EPM2A: variants seen among roughly 807,000 people sequenced by gnomAD.
EPM2A encodes the protein laforin.
Under a neutral mutation model 26.5 loss-of-function variants are expected in EPM2A, and 21 were observed. That is an observed-to-expected ratio of 0.79 (90% CI 0.56 to 1.14). EPM2A has a LOEUF of 1.14. Among genes scored for constraint, EPM2A ranks in the 50% most tolerant of loss-of-function variants. EPM2A has a pLI of 0.00. For missense variants in EPM2A, 458 were observed against 440.8 expected, an observed-to-expected ratio of 1.04 and a Z score of -0.35; for synonymous variants, 217 against 177.6, an observed-to-expected ratio of 1.22 and a Z score of -1.76.
chr6:145,671,684 A>C (rs1305887546), intron 2 of EPM2A, among the ~76,000 whole-genome samples: 1 of 152,204 alleles, frequency 6.6e-6, no homozygotes, highest in Non-Finnish European at 1.5e-5. Flanking sequence ...CTGTCTCCAA[A>C]GTAATTAACT....
At position 145,625,996 on chromosome 6, in the gene EPM2A, G is replaced by GAGTTAAC; in HGVS notation, c.*1413_*1419dup. The GAGTTAAC allele has an allele frequency of 8.8e-7, 1 of 1,136,312 alleles. No individual in the cohort carries two copies. Among genetic ancestry groups the GAGTTAAC allele is most frequent in the Non-Finnish European group, 1.2e-6 (1 of 861,816 alleles). 70.4% of individuals were successfully genotyped at this position (1,136,312 alleles called of 1,614,324 possible). On this transcript the variant is annotated 3_prime_UTR_variant, in exon 4 of 4. Coordinates refer to ENST00000367519, the MANE Select transcript of EPM2A (RefSeq NM_005670.4). The stretch of plus-strand genomic sequence containing the variant: ...ATTCATCATGTGACAATAGACAGTT[G>GAGTTAAC]AGTTAACCCTTCTGACCTTAGTTTC...
At chr6:145,496,372 T>A (rs899025669) in intron 4 of EPM2A, among the ~76,000 whole-genome samples, 1 of 152,204 alleles carries the variant, frequency 6.6e-6, no homozygotes, top group African/African-American at 2.4e-5. Flanking sequence ...AATCTTGGCC[T>A]GTCTAGCTAG....
intron 4 of EPM2A, among the ~76,000 whole-genome samples, chr6:145,445,969 A>G (rs1425565904): frequency 2.0e-5 from 3 of 152,188 alleles, no homozygotes; most frequent in Non-Finnish European, 2.9e-5. Flanking sequence ...GGGGATGACT[A>G]TAATGGGGCA....
At chr6:145,561,048 T>C (rs1286076240) in intron 2 of EPM2A, among the ~76,000 whole-genome samples, 1 of 152,120 alleles carries the variant, frequency 6.6e-6, no homozygotes. Flanking sequence ...ATAGTACATA[T>C]ACTGTAGTAT....
At chr6:145,443,988 A>C (rs919719612) in intron 4 of EPM2A, among the ~76,000 whole-genome samples, 1 of 152,010 alleles carries the variant, frequency 6.6e-6, no homozygotes, top group African/African-American at 2.4e-5. Flanking sequence ...AAACCTCTTT[A>C]TTTTCTTTTG....
intron 2 of EPM2A, chr6:145,637,464 A>T (rs1196169479): frequency 6.6e-6 from 1 of 152,096 alleles, no homozygotes; most frequent in South Asian, 2.1e-4. Context: ...CTGCAGGAGA[A>T]GAACAACTTT....
At chr6:145,577,671 A>C (rs562675823) in intron 2 of EPM2A, among the ~76,000 whole-genome samples, 4 of 152,094 alleles carry the variant, frequency 2.6e-5, no homozygotes, top group East Asian at 1.9e-4. Flanking sequence ...AAGAAACCTC[A>C]GGCTTCATCT....
intron 4 of EPM2A, among the ~76,000 whole-genome samples, chr6:145,424,654 G>C (rs751147358): frequency 1.3e-5 from 2 of 152,182 alleles, no homozygotes; most frequent in Non-Finnish European, 2.9e-5. Flanking sequence ...GATGGTATTA[G>C]GAGGTGGGGC....
intron 1 of EPM2A, among the ~76,000 whole-genome samples, chr6:145,714,705 A>G (rs1038333184): frequency 7.9e-5 from 12 of 152,208 alleles, no homozygotes; most frequent in Admixed American, 2.6e-4. Flanking sequence ...CACATCTTAC[A>G]TGGATGACAG....
intron 2 of EPM2A, among the ~76,000 whole-genome samples, chr6:145,552,141 T>C (rs959257267): frequency 8.6e-5 from 13 of 152,028 alleles, no homozygotes; most frequent in African/African-American, 2.9e-4. Context: ...TAATGCCTAA[T>C]TAGATATTCA....
chr6:145,595,489 G>GATTT (rs10639767), intron 2 of EPM2A, among the ~76,000 whole-genome samples: 67,901 of 150,666 alleles, frequency 0.45, 15,941 homozygotes, highest in African/African-American at 0.57. Context: ...AATTTATATT[G>GATTT]ATTTTAAATT....
intron 2 of EPM2A, among the ~76,000 whole-genome samples, chr6:145,613,743 T>C (rs936691807): frequency 1.3e-5 from 2 of 152,188 alleles, no homozygotes; most frequent in Non-Finnish European, 2.9e-5. Flanking sequence ...GCAGTAGGTC[T>C]CAACACTGGT....
At chr6:145,390,535 C>T (rs987659410) in intron 4 of EPM2A, among the ~76,000 whole-genome samples, 1 of 151,052 alleles carries the variant, frequency 6.6e-6, no homozygotes, top group Non-Finnish European at 1.5e-5. Context: ...CTCTTCCCAT[C>T]ATTATTTATC....
At chr6:145,399,906 T>G (rs1230744817) in intron 4 of EPM2A, among the ~76,000 whole-genome samples, 1 of 152,244 alleles carries the variant, frequency 6.6e-6, no homozygotes, top group Non-Finnish European at 1.5e-5. Context: ...CCTGCTATTA[T>G]TATCCTTGCT....
chr6:145,601,868 G>A (rs532965496), intron 2 of EPM2A, among the ~76,000 whole-genome samples: 2 of 152,140 alleles, frequency 1.3e-5, no homozygotes, highest in African/African-American at 4.8e-5. Context: ...AATTATAGGC[G>A]CCTCTTTTAA....
At chr6:145,668,047 G>A (rs1368164533) in intron 2 of EPM2A, among the ~76,000 whole-genome samples, 2 of 147,594 alleles carry the variant, frequency 1.4e-5, no homozygotes, top group Admixed American at 6.7e-5. Flanking sequence ...ATAGCATTGG[G>A]AGATATACCT....
chr6:145,654,997 G>T (rs542551874), intron 2 of EPM2A, among the ~76,000 whole-genome samples: 3 of 151,700 alleles, frequency 2.0e-5, no homozygotes, highest in Non-Finnish European at 4.4e-5. Context: ...CATTATTTAC[G>T]ATTGTGAGTG....
In EPM2A at chr6:145,627,470, T is replaced by C. The variant is rs762084123; in HGVS notation, c.942A>G (p.Gln314=). Residue 314 remains glutamine (Q), a synonymous_variant, in exon 4 of 4, where the codon CAA becomes CAG. Transcript: ENST00000367519. ...TCCCAAATTTCTGGAAAAAATCTTC[T>C]TGTGCCCGGGCCAAGGCCTCTTCGT... The part of the protein sequence containing the change: ...YIDEEALARA[Q]EDFFQKFGKV... 1.9e-6 allele frequency: 3 copies of C among 1,614,266 alleles called. No individual in the cohort carries two copies. The highest frequency in any genetic ancestry group is 1.7e-6 in the Non-Finnish European group (2 of 1,180,054).
chr6:145,388,406 A>T (rs1033534321), intron 4 of EPM2A, among the ~76,000 whole-genome samples: 2 of 152,168 alleles, frequency 1.3e-5, no homozygotes, highest in African/African-American at 2.4e-5. Context: ...GTTACCAGGC[A>T]TGTGCACTAG....
Sources: gnomAD v4.1 joint callset for allele counts (sites outside exome capture counted in the v4.1 genomes callset) on GRCh38, gnomAD v4.1.1 for gene constraint, MANE v1.5 for transcripts, NCBI Gene and HGNC (gene_info 2026-07-23, HGNC 2026-07-21) for gene names.